RNF150: variants seen among roughly 807,000 people sequenced by gnomAD.
The protein encoded by RNF150 is ring finger protein 150.
A neutral mutation model predicts 39.3 loss-of-function variants in RNF150; 24 were observed. The ratio of observed to expected loss-of-function variants is 0.61; its 90% CI spans 0.44 to 0.86. The LOEUF (loss-of-function observed/expected upper bound fraction) is 0.86. Ranked by LOEUF, RNF150 falls within the 40% of genes least tolerant of loss-of-function variation. The pLI, the probability that RNF150 is intolerant of heterozygous loss-of-function variation, is 0.00. For synonymous variants in RNF150, 255 were observed against 227.3 expected, an observed-to-expected ratio of 1.12 and a Z score of -1.10; for missense variants, 502 against 587.8, an observed-to-expected ratio of 0.85 and a Z score of 1.51.
intron 1 of RNF150, among the ~76,000 whole-genome samples, chr4:140,992,447 AGAAT>A: frequency 6.6e-6 from 1 of 152,286 alleles, no homozygotes; most frequent in South Asian, 2.1e-4. Context: ...GGAATAAAAC[AGAAT>A]GTTGAACAGT....
At chr4:140,913,425 T>C (rs560318287) in intron 5 of RNF150, among the ~76,000 whole-genome samples, 39 of 152,274 alleles carry the variant, frequency 2.6e-4, no homozygotes, top group African/African-American at 8.4e-4. Context: ...CAGCACACCA[T>C]ACACTCCCTC....
At chr4:141,010,317 C>A (rs1735028957) in intron 1 of RNF150, among the ~76,000 whole-genome samples, 1 of 152,056 alleles carries the variant, frequency 6.6e-6, no homozygotes, top group African/African-American at 2.4e-5. Context: ...GTATGTTGGG[C>A]TCAGTTTTGA....
In RNF150 at chr4:140,863,041, C is replaced by A. The variant is rs1306174975; in HGVS notation, c.*5220G>T. ...CACTGCATGAAGAACCATGCATCCCCATCTTAAGAGGGTAGTCTCTTCGTG... is the reference window on the plus strand; with the variant it reads ...CACTGCATGAAGAACCATGCATCCCAATCTTAAGAGGGTAGTCTCTTCGTG... On this transcript the variant is annotated 3_prime_UTR_variant, in exon 7 of 7. Transcript: ENST00000515673. The A allele has an allele frequency of 1.3e-5, 2 of 152,120 alleles. No individual in the cohort carries two copies. The highest frequency in any genetic ancestry group is 2.9e-5 in the Non-Finnish European group (2 of 68,030). 9.4% of individuals were successfully genotyped at this position (152,120 alleles called of 1,614,324 possible). A position where few individuals can be genotyped will look rare whatever the true frequency, so the allele number is the denominator to read the frequency against.
intron 1 of RNF150, among the ~76,000 whole-genome samples, chr4:141,002,059 G>C (rs551335933): frequency 6.6e-6 from 1 of 151,952 alleles, no homozygotes; most frequent in African/African-American, 2.4e-5. Flanking sequence ...TTATAATATT[G>C]GTCCACATAT....
intron 1 of RNF150, among the ~76,000 whole-genome samples, chr4:141,179,523 C>A (rs528516058): frequency 6.6e-6 from 1 of 152,318 alleles, no homozygotes; most frequent in South Asian, 2.1e-4. Flanking sequence ...TGTCCTTTCA[C>A]AACTGCTTAA....
intron 6 of RNF150, among the ~76,000 whole-genome samples, chr4:140,894,771 A>C (rs1422725501): frequency 6.6e-6 from 1 of 152,200 alleles, no homozygotes; most frequent in African/African-American, 2.4e-5. Flanking sequence ...CCGGCCTGCA[A>C]ATATTTTATA....
At chr4:140,882,266 G>GC (rs1349208552) in intron 6 of RNF150, among the ~76,000 whole-genome samples, 3 of 152,120 alleles carry the variant, frequency 2.0e-5, no homozygotes, top group Non-Finnish European at 4.4e-5. Context: ...TGATCCACCC[G>GC]CCTCGGCCTC....
At chr4:141,207,589 C>A (rs1397749435) in intron 1 of RNF150, among the ~76,000 whole-genome samples, 2 of 151,664 alleles carry the variant, frequency 1.3e-5, no homozygotes, top group African/African-American at 4.9e-5. Flanking sequence ...ATATGAACTT[C>A]GGAGAGGATT....
In RNF150 at chr4:141,184,684, G is replaced by C. The variant is rs147946204; in HGVS notation, c.-6+28110C>G. Among the ~76,000 whole-genome samples, 765 of 152,196 alleles carry C rather than the reference G, an allele frequency of 5.0e-3. 5 individuals are homozygous for C. Among genetic ancestry groups the C allele is most frequent in the African/African-American group, 0.017 (707 of 41,518 alleles). On this transcript the variant is annotated intron_variant, in intron 1 of 7. Transcript: ENST00000420921. ...TATCTTGAGTTAATTTTTTGTATAA[G>C]GTGTAAGGAAGGGGTCCAGATTCAA...
intron 1 of RNF150, among the ~76,000 whole-genome samples, chr4:141,111,522 C>A (rs1344297615): frequency 2.0e-5 from 3 of 152,128 alleles, no homozygotes; most frequent in Admixed American, 6.6e-5. Flanking sequence ...CTGGGGAGAT[C>A]CACACTTGTG....
intron 1 of RNF150, among the ~76,000 whole-genome samples, chr4:141,027,898 T>C (rs565323854): frequency 2.2e-4 from 33 of 150,166 alleles, no homozygotes; most frequent in Non-Finnish European, 4.0e-4. Flanking sequence ...AGATAGTTAA[T>C]GAGCTTGGAA....
At chr4:140,995,611 C>T (rs756940951) in intron 1 of RNF150, among the ~76,000 whole-genome samples, 2 of 152,106 alleles carry the variant, frequency 1.3e-5, no homozygotes, top group African/African-American at 4.8e-5. Flanking sequence ...AGCTAATCCT[C>T]AATTTGGTCT....
chr4:141,188,854 C>T (rs1728058183), intron 1 of RNF150, among the ~76,000 whole-genome samples: 1 of 152,180 alleles, frequency 6.6e-6, no homozygotes, highest in Admixed American at 6.5e-5. Flanking sequence ...GTTTTTATTA[C>T]CCACCTTCTT....
At chr4:141,085,867 GAAGAAAAATCATTTTT>G (rs1339675811) in intron 1 of RNF150, among the ~76,000 whole-genome samples, 1 of 152,104 alleles carries the variant, frequency 6.6e-6, no homozygotes, top group Non-Finnish European at 1.5e-5. Flanking sequence ...AAGAAGTTAA[GAAGAAAAATCATTTTT>G]AAAAATTCTA....
chr4:141,087,240 A>G (rs13136132), intron 1 of RNF150, among the ~76,000 whole-genome samples: 59,491 of 151,994 alleles, frequency 0.39, 13,215 homozygotes, highest in Non-Finnish European at 0.49. Flanking sequence ...TGCAGTATTT[A>G]GTTTTCTGTT....
intron 5 of RNF150, among the ~76,000 whole-genome samples, chr4:140,921,700 A>T (rs1731156891): frequency 6.6e-6 from 1 of 152,220 alleles, no homozygotes; most frequent in Non-Finnish European, 1.5e-5. Flanking sequence ...CTTGATGAAC[A>T]TTGATCCAAA....
intron 1 of RNF150, among the ~76,000 whole-genome samples, chr4:141,112,629 C>T (rs1164487020): frequency 6.6e-6 from 1 of 152,066 alleles, no homozygotes; most frequent in East Asian, 1.9e-4. Flanking sequence ...TGTGGGTAAC[C>T]CAATCTTCTC....
At chr4:141,122,816 T>G (rs1419985255) in intron 1 of RNF150, among the ~76,000 whole-genome samples, 1 of 152,250 alleles carries the variant, frequency 6.6e-6, no homozygotes, top group Non-Finnish European at 1.5e-5. Flanking sequence ...TCTTTTTAAA[T>G]GTTCTATATT....
chr4:141,047,410 G>A (rs907219693), intron 1 of RNF150, among the ~76,000 whole-genome samples: 13 of 152,236 alleles, frequency 8.5e-5, no homozygotes, highest in East Asian at 5.8e-4. Flanking sequence ...GAATCTGGTC[G>A]TGTGTAAATG....
Sources: gnomAD v4.1 joint callset for allele counts (sites outside exome capture counted in the v4.1 genomes callset) on GRCh38, gnomAD v4.1.1 for gene constraint, MANE v1.5 for transcripts, NCBI Gene and HGNC (gene_info 2026-07-23, HGNC 2026-07-21) for gene names.